MCM4: variants seen among roughly 807,000 people sequenced by gnomAD.
The protein encoded by MCM4 is minichromosome maintenance complex component 4, also known as DNA replication licensing factor MCM4.
A neutral mutation model predicts 88.7 loss-of-function variants in MCM4; 60 were observed. That is an observed-to-expected ratio of 0.68 (90% CI 0.55 to 0.84). The LOEUF (loss-of-function observed/expected upper bound fraction) is 0.84, where lower values mean the gene tolerates loss of function less well. MCM4 is among the 40% of genes least tolerant of loss of function. The pLI is 0.00. For synonymous variants in MCM4, 465 were observed against 410.5 expected (o/e 1.13, Z -1.61); for missense variants, 1,149 against 1,105.5 (o/e 1.04, Z -0.56).
At chr8:47,972,710 C>G in intron 13 of MCM4, 147 bp from the exon 14 acceptor site, 1 of 599,224 alleles carries the variant, frequency 1.7e-6, no homozygotes, top group South Asian at 1.9e-5. Flanking sequence ...GCAGGCACCA[C>G]CACTCCTGGC....
Position 47,962,851 on chromosome 8 carries a change from C to T in MCM4, c.589C>T (p.Leu197Phe), listed in dbSNP as rs1349008800. 6 of 1,603,436 alleles carry T rather than the reference C, an allele frequency of 3.7e-6. No individual in the cohort carries two copies. The Admixed American group carries it at 8.7e-5, about 23-fold the overall frequency. ...TACTGAACCTCTATACATGCAACGA[C>T]TTGGGGAGGTAATCAAATACTCTTT... is the stretch of plus-strand genomic sequence containing the variant. ...DITEPLYMQR[L>F]GEINVIGEPF... The change falls in exon 6 of 17, where the codon CTT becomes TTT. Residue 197 changes from leucine (L) to phenylalanine (F), a missense_variant. Leu to Phe is a conservative substitution (Grantham distance 22, BLOSUM62 0). This residue lies in a region of MCM4 where 906 missense variants were observed against 843.0 expected (regional missense o/e 1.07). Transcript: ENST00000649973.
chr8:47,977,633 A>G lies in MCM4; in HGVS notation c.*855A>G, dbSNP rs943956114. ...GTCACTATGCCCGGCTACTTTTTGT[A>G]TTTTTTGGTAGAGACGGCTTCGCCA... On this transcript the variant is annotated 3_prime_UTR_variant, in exon 17 of 17. Transcript: ENST00000649973. 6 of 152,086 alleles carry G rather than the reference A, an allele frequency of 3.9e-5. No homozygotes were observed. Among genetic ancestry groups the G allele is most frequent in the African/African-American group, 1.4e-4 (6 of 41,404 alleles). 9.4% of individuals were successfully genotyped at this position (152,086 alleles called of 1,614,324 possible).
intron 8 of MCM4, among the ~76,000 whole-genome samples, chr8:47,965,413 T>A (rs1475062508): frequency 2.0e-5 from 3 of 152,120 alleles, no homozygotes; most frequent in Non-Finnish European, 4.4e-5. Flanking sequence ...GAGGCTTCAG[T>A]GAGCAGTGAT....
At chr8:47,975,446 G>T (rs1482211750) in intron 15 of MCM4, 3 of 231,442 alleles carry the variant, frequency 1.3e-5, no homozygotes, top group Middle Eastern at 1.4e-3. Context: ...CTCCTTGACT[G>T]TCTGGGAAGT....
At chr8:47,975,145 T>C (rs905417638) in intron 15 of MCM4, among the ~76,000 whole-genome samples, 183 bp downstream of exon 15, 2 of 152,114 alleles carry the variant, frequency 1.3e-5, no homozygotes, top group African/African-American at 4.8e-5. Context: ...ATAAAAATAT[T>C]GATTAACACA....
At chr8:47,964,545 C>G in intron 7 of MCM4, 29 bp from the exon 8 acceptor site, 1 of 1,542,634 alleles carries the variant, frequency 6.5e-7, no homozygotes, top group Non-Finnish European at 8.8e-7. Context: ...GATATGAATA[C>G]AAATACATCT....
At chr8:47,967,669 G>A (rs1237830208) in intron 10 of MCM4, among the ~76,000 whole-genome samples, 184 bp downstream of exon 10, 2 of 152,182 alleles carry the variant, frequency 1.3e-5, no homozygotes, top group African/African-American at 4.8e-5. Context: ...CCATGGCCCA[G>A]CAGTATGAAA....
chr8:47,963,918 A>G (rs879859126), intron 7 of MCM4, among the ~76,000 whole-genome samples: 17 of 152,220 alleles, frequency 1.1e-4, no homozygotes, highest in Non-Finnish European at 1.9e-4. Context: ...ATTTGAATAA[A>G]TATGATTTAA....
chr8:47,966,470 T>G (rs1230838749), intron 9 of MCM4, 63 bp downstream of exon 9: 7 of 1,464,918 alleles, frequency 4.8e-6, no homozygotes, highest in Non-Finnish European at 5.5e-6. Context: ...AAAGGCCAAC[T>G]ATAACTTGTC....
chr8:47,964,513 C>A, intron 7 of MCM4, 61 bp from the exon 8 acceptor site: 1 of 1,318,204 alleles, frequency 7.6e-7, no homozygotes, highest in Non-Finnish European at 1.0e-6. Flanking sequence ...ATCTGACATG[C>A]CTTTATTATA....
In MCM4 at chr8:47,968,027, C is replaced by T. The variant is rs529007536; in HGVS notation, c.1174+542C>T. Among the ~76,000 whole-genome samples the T allele has an allele frequency of 3.9e-5, 6 of 152,320 alleles. No homozygotes were observed. The East Asian group carries it at 7.7e-4, about 20-fold the overall frequency. On this transcript the variant is annotated intron_variant, in intron 10 of 16. Coordinates refer to ENST00000649973, the MANE Select transcript of MCM4 (RefSeq NM_182746.3). ...ATAGACAGCAGTAGCTCAGATGCCA[C>T]GGTAAATCAGAACCCAGGACCCAGG... is the stretch of plus-strand genomic sequence containing the variant.
In MCM4 at chr8:47,962,229, T is replaced by A; in HGVS notation, c.399+13T>A. On this transcript the variant is annotated intron_variant, in intron 4 of 16. Transcript: ENST00000649973. ...GCAGTCTGACGGGGTGAGTATGCAG[T>A]CTCCTGAAACCATCTTATGGCGGGT... 3 of 1,614,086 alleles carry A rather than the reference T, an allele frequency of 1.9e-6. No individual in the cohort carries two copies. The highest frequency in any genetic ancestry group is 2.5e-6 in the Non-Finnish European group (3 of 1,179,992).
rs1368361450 is a variant in MCM4, at chr8:47,975,845, C to T, written c.2496C>T (p.Asp832=). The change falls in exon 16 of 17, where the codon GAC becomes GAT. Residue 832 remains aspartate, a synonymous_variant. Coordinates refer to ENST00000649973, the MANE Select transcript of MCM4 (RefSeq NM_182746.3). ...TTGAAGATATTCGGGGACAATCTGA[C>T]ATAGTAAGTGTTTATATGTATTTTT... ...QLFEDIRGQS[D]IAITKDMFEE... The T allele has an allele frequency of 1.3e-6, 2 of 1,564,808 alleles. No homozygotes were observed. The highest frequency in any genetic ancestry group is 1.7e-6 in the Non-Finnish European group (2 of 1,161,866).
chr8:47,961,785 C>T lies in MCM4; in HGVS notation c.235+105C>T, dbSNP rs897030170. ...ACAGTTGGCATAACGCCTAAAGCATCCCCTCTGCACGTGACTGAGCATGTT... is the reference window on the plus strand; with the variant it reads ...ACAGTTGGCATAACGCCTAAAGCATTCCCTCTGCACGTGACTGAGCATGTT... On this transcript the variant is annotated intron_variant, in intron 3 of 16. Coordinates refer to ENST00000649973, the MANE Select transcript of MCM4 (RefSeq NM_182746.3). The T allele has an allele frequency of 2.8e-5, 38 of 1,361,320 alleles. No individual in the cohort carries two copies. The East Asian group carries it at 8.1e-4, about 29-fold the overall frequency. 84.3% of individuals were successfully genotyped at this position (1,361,320 alleles called of 1,614,324 possible).
chr8:47,963,376 C>T (rs964369996), intron 7 of MCM4, among the ~76,000 whole-genome samples: 1 of 152,086 alleles, frequency 6.6e-6, no homozygotes, highest in Non-Finnish European at 1.5e-5. Context: ...ATCACTTGAA[C>T]CCCGGAGGCA....
intron 13 of MCM4, among the ~76,000 whole-genome samples, chr8:47,971,790 A>G (rs773655074): frequency 2.0e-5 from 3 of 152,200 alleles, no homozygotes; most frequent in Non-Finnish European, 4.4e-5. Context: ...TTAAAGTGCA[A>G]TCACATAATC....
In MCM4 at chr8:47,972,992, G is replaced by A. The variant is rs143488457; in HGVS notation, c.2064G>A (p.Lys688=). The change falls in exon 14 of 17, where the codon AAG becomes AAA. Residue 688 remains lysine (K), a synonymous_variant. Coordinates refer to ENST00000649973, the MANE Select transcript of MCM4 (RefSeq NM_182746.3). The stretch of plus-strand genomic sequence containing the variant: ...AGCTCCTGGACATGGCGGTGCTAAA[G>A]GACTACATTGCCTACGCGCACAGCA... The part of the protein sequence containing the change: ...EEELLDMAVL[K]DYIAYAHSTI... The A allele has an allele frequency of 1.7e-3, 2,799 of 1,614,160 alleles. 13 individuals carry two copies. The highest frequency in any genetic ancestry group is 0.014 in the Middle Eastern group (83 of 6,060).
intron 14 of MCM4, 149 bp from the exon 15 acceptor site, chr8:47,974,585 A>G (rs2090984562): frequency 1.5e-6 from 1 of 675,184 alleles, no homozygotes; most frequent in Non-Finnish European, 2.7e-6. Context: ...CTGTCTGTGT[A>G]GTCTCTACCA....
intron 7 of MCM4, 61 bp downstream of exon 7, chr8:47,963,101 A>G: frequency 1.0e-5 from 10 of 986,000 alleles, no homozygotes; most frequent in South Asian, 7.5e-5. Context: ...ATGTTTCCAG[A>G]TAACAGAAAT....
Sources: gnomAD v4.1 joint callset for allele counts (sites outside exome capture counted in the v4.1 genomes callset) on GRCh38, gnomAD v4.1.1 for gene constraint, gnomAD v4.1.1 regional missense constraint, MANE v1.5 for transcripts, NCBI Gene and HGNC (gene_info 2026-07-23, HGNC 2026-07-21) for gene names.